PRRC2A: variants seen among roughly 807,000 people sequenced by gnomAD.
PRRC2A encodes protein PRRC2A.
A neutral mutation model predicts 224.6 loss-of-function variants in PRRC2A; 59 were observed. That is an observed-to-expected ratio of 0.26 (90% CI 0.21 to 0.33). The LOEUF (loss-of-function observed/expected upper bound fraction) is 0.33. PRRC2A is among the 10% of genes least tolerant of loss of function. PRRC2A has a pLI of 1.00. For missense variants in PRRC2A, 3,095 were observed against 2,880.7 expected, an observed-to-expected ratio of 1.07 and a Z score of -1.70; for synonymous variants, 1,194 against 1,109.5, an observed-to-expected ratio of 1.08 and a Z score of -1.51.
intron 14 of PRRC2A, 38 bp downstream of exon 14, chr6:31,629,883 C>T (rs1424236396): frequency 3.7e-6 from 6 of 1,608,666 alleles, no homozygotes; most frequent in Non-Finnish European, 5.1e-6. Flanking sequence ...CAGGAAAGTC[C>T]CCTCAGTCTT....
Position 31,636,313 on chromosome 6 carries a change from C to T in PRRC2A, c.5729C>T (p.Thr1910Ile). The T allele has an allele frequency of 6.2e-7, 1 of 1,613,066 alleles. No individual in the cohort carries two copies. The highest frequency in any genetic ancestry group is 1.1e-5 in the South Asian group (1 of 91,086). The change falls in exon 26 of 31, where the codon ACA becomes ATA. Residue 1910 changes from threonine (T) to isoleucine (I), a missense_variant. Physicochemically the swap from Thr to Ile is moderately conservative, Grantham distance 89. Around this residue, in one of 8 missense-constraint regions of PRRC2A, gnomAD observed 662 missense variants for 609.5 expected, o/e 1.09. Coordinates refer to ENST00000376033, the MANE Select transcript of PRRC2A (RefSeq NM_004638.4). The surrounding 1 kb of genome is among the most constrained non-coding windows in gnomAD (Gnocchi z 4.3). ...QFLDFSTMQA[T>I]ELGKLPAGGV... Reference sequence around the variant, plus strand: ...CTGGATTTCTCCACAATGCAAGCTACAGAGCTGGGGAAGTTGCCGGCTGGA... The same window carrying T: ...CTGGATTTCTCCACAATGCAAGCTATAGAGCTGGGGAAGTTGCCGGCTGGA...
chr6:31,631,619 C>G lies in PRRC2A; in HGVS notation c.2946C>G (p.Asp982Glu). Residue 982 changes from aspartate to glutamate, a missense_variant, in exon 16 of 31, where the codon GAC becomes GAG. Coordinates refer to ENST00000376033, the MANE Select transcript of PRRC2A (RefSeq NM_004638.4). The surrounding 1 kb of genome is among the most constrained non-coding windows in gnomAD (Gnocchi z 4.5). ...AAACCCCCAAACCCCCAAAGCCAGA[C>G]CCACTCAAGATAACCAAGGGGAAGC... ...GDETPKPPKPDPLKITKGKLG... is the reference protein window; with the variant it reads ...GDETPKPPKPEPLKITKGKLG... 1 of 1,530,020 alleles carries G rather than the reference C, an allele frequency of 6.5e-7. No homozygotes were observed. 94.8% of individuals were successfully genotyped at this position (1,530,020 alleles called of 1,614,324 possible).
At chr6:31,623,055 T>A (rs1340763294) in intron 2 of PRRC2A, 154 bp downstream of exon 2, 2 of 783,248 alleles carry the variant, frequency 2.6e-6, no homozygotes, top group East Asian at 4.8e-5. Context: ...AAAGGGGGTG[T>A]GGGCTCTGGG....
At chr6:31,626,640 T>G in intron 9 of PRRC2A, 132 bp from the exon 10 acceptor site, 1 of 782,802 alleles carries the variant, frequency 1.3e-6, no homozygotes, top group Non-Finnish European at 2.1e-6. Flanking sequence ...ATGACAAGAC[T>G]TCATTGGTGG....
At position 31,636,141 on chromosome 6, in the gene PRRC2A, T is replaced by C; in HGVS notation, c.5625-68T>C. 1 of 1,553,854 alleles carries C rather than the reference T, an allele frequency of 6.4e-7. No homozygotes were observed. Among genetic ancestry groups the C allele is most frequent in the South Asian group, 1.1e-5 (1 of 89,818 alleles). ...GACACAGTTCTAGGGTACTAGAAGC[T>C]AGTGGACTTAAGGCATTGCTAGGAC... On this transcript the variant is annotated intron_variant, in intron 25 of 30. Transcript: ENST00000376033. The surrounding 1 kb of genome is among the most constrained non-coding windows in gnomAD (Gnocchi z 4.3).
chr6:31,631,639 G>GGAA lies in PRRC2A; in HGVS notation c.2968_2970dup (p.Lys990dup). ...CCAGACCCACTCAAGATAACCAAGG[G>GGAA]GAAGCTAGGGGGCCCCAAGGAGACC... On this transcript the variant is annotated inframe_insertion, in exon 16 of 31. Coordinates refer to ENST00000376033, the MANE Select transcript of PRRC2A (RefSeq NM_004638.4). This position sits in a 1 kb window ranked among gnomAD's most constrained non-coding sequence, Gnocchi z 4.5. The GGAA allele has an allele frequency of 6.6e-7, 1 of 1,517,942 alleles. No homozygotes were observed. The highest frequency in any genetic ancestry group is 1.3e-5 in the South Asian group (1 of 75,184). The allele number at this position is 1,517,942 out of a possible 1,614,324, so 94.0% of individuals were successfully genotyped here.
chr6:31,626,271 G>C, intron 9 of PRRC2A, 109 bp downstream of exon 9: 1 of 1,336,764 alleles, frequency 7.5e-7, no homozygotes. Flanking sequence ...AGTGTAGGAA[G>C]ACCAGGCCCA....
rs138800268 is a variant in PRRC2A, at chr6:31,635,093, T to C, written c.5161-39T>C. The C allele has an allele frequency of 1.7e-3, 2,734 of 1,604,888 alleles. 16 individuals are homozygous for C. The highest frequency in any genetic ancestry group is 0.013 in the African/African-American group (970 of 74,796). ...TGGGCATTCCAATTTGGATTTCCCT[T>C]TCCCTCCCCCAATGCACTTTACTGT... On this transcript the variant is annotated intron_variant, in intron 21 of 30. Transcript: ENST00000376033.
At position 31,636,593 on chromosome 6, in the gene PRRC2A, G is replaced by T; in HGVS notation, c.5919G>T (p.Gly1973=). ...PGGQSGFLPS[G]APAQQMLLPM... is the part of the protein sequence containing the mutation. Reference sequence around the variant, plus strand: ...GCCAAAGTGGCTTTCTCCCTTCAGGGGCTCCTGCCCAGCAGGTATATTGTA... The same window carrying T: ...GCCAAAGTGGCTTTCTCCCTTCAGGTGCTCCTGCCCAGCAGGTATATTGTA... The change falls in exon 27 of 31, where the codon GGG becomes GGT. Residue 1973 remains glycine, a synonymous_variant. Transcript: ENST00000376033. The surrounding 1 kb of genome is among the most constrained non-coding windows in gnomAD (Gnocchi z 4.3). 2.5e-6 allele frequency: 4 copies of T among 1,603,960 alleles called. No individual in the cohort carries two copies. Among genetic ancestry groups the T allele is most frequent in the Non-Finnish European group, 2.6e-6 (3 of 1,175,688 alleles).
Position 31,637,237 on chromosome 6 carries a change from C to T in PRRC2A, c.6246C>T (p.Ser2082=). The T allele has an allele frequency of 5.0e-6, 8 of 1,610,884 alleles. No individual in the cohort carries two copies. Among genetic ancestry groups the T allele is most frequent in the Non-Finnish European group, 6.8e-6 (8 of 1,178,044 alleles). Residue 2082 remains serine, a synonymous_variant, in exon 30 of 31, where the codon TCC becomes TCT. Coordinates refer to ENST00000376033, the MANE Select transcript of PRRC2A (RefSeq NM_004638.4). ...GSSRTPPTGR[S]FSGLNSRLKA... ...TTAGACGCCCTTCTTCCCTTAGGTC[C>T]TTCTCTGGCCTCAATTCCCGTCTCA...
At chr6:31,622,656 T>G in intron 1 of PRRC2A, 34 bp from the exon 2 acceptor site, 1 of 660,656 alleles carries the variant, frequency 1.5e-6, no homozygotes, top group Non-Finnish European at 2.7e-6. Context: ...GATAATGCAA[T>G]GGAGTTTTTA....
At position 31,636,673 on chromosome 6, in the gene PRRC2A, C is replaced by T; in HGVS notation, c.5935-60C>T. 3.1e-6 allele frequency: 5 copies of T among 1,594,522 alleles called. No individual in the cohort carries two copies. Among genetic ancestry groups the T allele is most frequent in the Middle Eastern group, 1.7e-4 (1 of 6,000 alleles). On this transcript the variant is annotated intron_variant, in intron 27 of 30. Coordinates refer to ENST00000376033, the MANE Select transcript of PRRC2A (RefSeq NM_004638.4). The surrounding 1 kb of genome is among the most constrained non-coding windows in gnomAD (Gnocchi z 4.3). ...CTGTCCAGTTGCTGGCTTTGATTTT[C>T]CCTGGTTTTCTGACATTCCTCCCTG...
chr6:31,627,841 C>T lies in PRRC2A; in HGVS notation c.1367C>T (p.Ser456Leu), dbSNP rs1776084034. Residue 456 changes from serine to leucine, a missense_variant, in exon 12 of 31, where the codon TCG becomes TTG. Ser to Leu is a moderately radical substitution (Grantham distance 145). Coordinates refer to ENST00000376033, the MANE Select transcript of PRRC2A (RefSeq NM_004638.4). This position sits in a 1 kb window ranked among gnomAD's most constrained non-coding sequence, Gnocchi z 5.6. ...GCATGGCGGCAGCGACGAAAGCAGT[C>T]GTCATCTGAGATTTCCCTGGCAGTG... ...DEAWRQRRKQ[S>L]SSEISLAVER... 1 of 1,613,070 alleles carries T rather than the reference C, an allele frequency of 6.2e-7. No individual in the cohort carries two copies. The highest frequency in any genetic ancestry group is 8.5e-7 in the Non-Finnish European group (1 of 1,180,026).
Position 31,624,311 on chromosome 6 carries a change from C to T in PRRC2A, c.341C>T (p.Ser114Leu), listed in dbSNP as rs745670916. 4 of 1,613,930 alleles carry T rather than the reference C, an allele frequency of 2.5e-6. No homozygotes were observed. The highest frequency in any genetic ancestry group is 3.4e-6 in the Non-Finnish European group (4 of 1,180,030). Residue 114 changes from serine to leucine, a missense_variant, in exon 4 of 31, where the codon TCA (serine) becomes TTA (leucine). Physicochemically the swap from Ser to Leu is moderately radical, Grantham distance 145. Transcript: ENST00000376033. ...QPPESQPLPA[S>L]QTPASNQPKR... ...CCGGAATCGCAGCCACTGCCGGCTT[C>T]ACAGACGCCTGCCTCCAACCAGCCG... is the stretch of plus-strand genomic sequence containing the variant.
chr6:31,634,594 T>G, intron 20 of PRRC2A, 37 bp downstream of exon 20: 1 of 1,603,862 alleles, frequency 6.2e-7, no homozygotes. Context: ...GAGCTGGGAC[T>G]TTTTTGAGCA....
intron 14 of PRRC2A, 98 bp from the exon 15 acceptor site, chr6:31,630,493 G>T: frequency 8.1e-7 from 1 of 1,227,420 alleles, no homozygotes; most frequent in African/African-American, 1.5e-5. Flanking sequence ...GGGAACAAGA[G>T]ATGGAAGAGC....
Position 31,624,277 on chromosome 6 carries a change from G to C in PRRC2A, c.307G>C (p.Ala103Pro). The stretch of plus-strand genomic sequence containing the variant: ...TCCCCTCAGTTCCGATGCCTCAACC[G>C]CTCAGCCGCCGGAATCGCAGCCACT... Reference protein sequence around the residue: ...SDPKSSDASTAQPPESQPLPA... With the variant: ...SDPKSSDASTPQPPESQPLPA... Residue 103 changes from alanine to proline, a missense_variant, in exon 4 of 31, where the codon GCT (alanine) becomes CCT (proline). This residue lies in a region of PRRC2A where 52 missense variants were observed against 77.9 expected (regional missense o/e 0.67). Transcript: ENST00000376033. 1 of 1,613,578 alleles carries C rather than the reference G, an allele frequency of 6.2e-7. No homozygotes were observed. The highest frequency in any genetic ancestry group is 8.5e-7 in the Non-Finnish European group (1 of 1,179,970).
At chr6:31,622,632 T>C in intron 1 of PRRC2A, 58 bp from the exon 2 acceptor site, 1 of 612,346 alleles carries the variant, frequency 1.6e-6, no homozygotes, top group South Asian at 2.2e-5. Flanking sequence ...GGGCCTCATA[T>C]CTGAGTCCCT....
rs770097771 is a variant in PRRC2A, at chr6:31,629,740, A to G, written c.2149A>G (p.Met717Val). 1.9e-5 allele frequency: 31 copies of G among 1,611,164 alleles called. No individual in the cohort carries two copies. The highest frequency in any genetic ancestry group is 5.4e-5 in the African/African-American group (4 of 74,752). Residue 717 changes from methionine to valine, a missense_variant, in exon 14 of 31, where the codon ATG becomes GTG. By Grantham distance (21) the Met-to-Val change is conservative. This residue lies in a region of PRRC2A where 2,001 missense variants were observed against 1,764.9 expected (regional missense o/e 1.13). Coordinates refer to ENST00000376033, the MANE Select transcript of PRRC2A (RefSeq NM_004638.4). The stretch of plus-strand genomic sequence containing the variant: ...GGGCCGGCCCCCACCCATGCCCCCA[A>G]TGAACTTTGATCCCCGATGGATGAT... ...ALGRPPPMPP[M>V]NFDPRWMMIP... is the part of the protein sequence containing the mutation.
Sources: allele counts gnomAD v4.1 joint callset, GRCh38; gene constraint gnomAD v4.1.1; regional missense constraint gnomAD v4.1.1; non-coding constraint Gnocchi (gnomAD v3.1); transcripts MANE v1.5; gene names NCBI Gene and HGNC (gene_info 2026-07-23, HGNC 2026-07-21).